Variants in RBBP6 observed in about 807,000 individuals in gnomAD.
RBBP6 encodes E3 ubiquitin-protein ligase RBBP6.
Under a neutral mutation model 167.7 loss-of-function variants are expected in RBBP6, and 25 were observed. That is an observed-to-expected ratio of 0.15 (90% CI 0.11 to 0.21). The LOEUF is 0.21. RBBP6 is among the 10% of genes least tolerant of loss of function. RBBP6 has a pLI of 1.00. For synonymous variants in RBBP6, 789 were observed against 735.8 expected (o/e 1.07, Z -1.17); for missense variants, 1,868 against 2,134.2 (o/e 0.88, Z 2.46).
At position 24,571,728 on chromosome 16, in the gene RBBP6, A is replaced by G; in HGVS notation, c.4662A>G (p.Pro1554=). 1.9e-6 allele frequency: 3 copies of G among 1,614,202 alleles called. No individual in the cohort carries two copies. Among genetic ancestry groups the G allele is most frequent in the Non-Finnish European group, 2.5e-6 (3 of 1,180,020 alleles). The part of the protein sequence containing the change: ...DHKATYDTKR[P]NEETKSVDKN... ...AAGCCACTTATGATACTAAACGGCC[A>G]AATGAAGAGACAAAATCTGTAGATA... The change falls in exon 18 of 18, where the codon CCA becomes CCG. Residue 1554 remains proline, a synonymous_variant. Coordinates refer to ENST00000319715, the MANE Select transcript of RBBP6 (RefSeq NM_006910.5).
intron 2 of RBBP6, 54 bp downstream of exon 2, chr16:24,546,316 AT>A (rs1898649559): frequency 2.1e-6 from 3 of 1,455,300 alleles, no homozygotes; most frequent in Non-Finnish European, 1.8e-6. Context: ...AGTTTTTTTA[AT>A]TTTGTGAGAA....
In RBBP6 at chr16:24,569,415, A is replaced by C; in HGVS notation, c.2725A>C (p.Asn909His). 6.2e-7 allele frequency: 1 copy of C among 1,614,170 alleles called. No homozygotes were observed. The highest frequency in any genetic ancestry group is 1.7e-5 in the Admixed American group (1 of 60,016). The change falls in exon 17 of 18, where the codon AAT (asparagine) becomes CAT (histidine). Residue 909 changes from asparagine (N) to histidine (H), a missense_variant. Physicochemically the swap from Asn to His is moderately conservative, Grantham distance 68 (BLOSUM62 1). Transcript: ENST00000319715. ...PEKLSARDGH[N>H]QKDNTKSKEK... The stretch of plus-strand genomic sequence containing the variant: ...AAAGCTTTCAGCAAGAGATGGTCAC[A>C]ATCAGAAGGATAATACAAAGTCAAA...
Position 24,569,772 on chromosome 16 carries a change from G to A in RBBP6, c.3082G>A (p.Val1028Met). 1.2e-6 allele frequency: 2 copies of A among 1,613,934 alleles called. No individual in the cohort carries two copies. Among genetic ancestry groups the A allele is most frequent in the Non-Finnish European group, 8.5e-7 (1 of 1,180,002 alleles). The change falls in exon 17 of 18, where the codon GTG becomes ATG. Residue 1028 changes from valine to methionine, a missense_variant. Physicochemically the swap from Val to Met is conservative, Grantham distance 21. Transcript: ENST00000319715. ...KTKRKNDGSA[V>M]SKKENIVKPA... ...CAAACGGAAGAATGATGGATCTGCT[G>A]TGTCCAAAAAAGAAAATATTGTAAA...
intron 1 of RBBP6, among the ~76,000 whole-genome samples, chr16:24,543,862 G>A (rs191063699): frequency 3.9e-5 from 6 of 152,098 alleles, no homozygotes; most frequent in Admixed American, 3.3e-4. Flanking sequence ...TCCATTTCTC[G>A]GATTCATTCT....
Position 24,571,684 on chromosome 16 carries a change from A to C in RBBP6, c.4618A>C (p.Arg1540=). 2 of 1,614,172 alleles carry C rather than the reference A, an allele frequency of 1.2e-6. No individual in the cohort carries two copies. The highest frequency in any genetic ancestry group is 1.7e-6 in the Non-Finnish European group (2 of 1,180,000). ...KKSNSSPSRD[R]KPHDHKATYD... ...AAGTAATTCTAGTCCCTCAAGAGAC[A>C]GAAAACCTCATGATCACAAAGCCAC... The change falls in exon 18 of 18, where the codon AGA becomes CGA. Residue 1540 remains arginine (R), a synonymous_variant. Transcript: ENST00000319715.
rs907961288 is a variant in RBBP6 at position 24,572,650 on chromosome 16, T to C, written c.*205T>C. 8 of 645,688 alleles carry C rather than the reference T, an allele frequency of 1.2e-5. No individual in the cohort carries two copies. In the African/African-American group the frequency reaches 1.5e-4, roughly 12 times the overall value. 40.0% of individuals were successfully genotyped at this position (645,688 alleles called of 1,614,324 possible). On this transcript the variant is annotated 3_prime_UTR_variant, in exon 18 of 18. Transcript: ENST00000319715. ...AATTGTGAGTTGTGACCATGTAACA[T>C]GAGAGGTTTTGCTAGGGCCTATTAT...
At position 24,567,724 on chromosome 16, in the gene RBBP6, T is replaced by C. The variant is rs538364251; in HGVS notation, c.1953-68T>C. The C allele has an allele frequency of 3.4e-4, 464 of 1,383,404 alleles. 3 individuals are homozygous for C. Among genetic ancestry groups the C allele is most frequent in the Non-Finnish European group, 3.0e-5 (30 of 992,478 alleles). 85.7% of individuals were successfully genotyped at this position (1,383,404 alleles called of 1,614,324 possible). A position where few individuals can be genotyped will look rare whatever the true frequency, so the allele number is the denominator to read the frequency against. On this transcript the variant is annotated intron_variant, in intron 15 of 17. Transcript: ENST00000319715. ...TCATTCATTTCATTCATGATCTAAT[T>C]ACATTTGTCTTGTTAGTTTTCTTAA...
In RBBP6 at chr16:24,569,128, G is replaced by A; in HGVS notation, c.2438G>A (p.Gly813Glu). 6.2e-7 allele frequency: 1 copy of A among 1,612,936 alleles called. No homozygotes were observed. Among genetic ancestry groups the A allele is most frequent in the East Asian group, 2.2e-5 (1 of 44,880 alleles). The change falls in exon 17 of 18, where the codon GGG becomes GAG. Residue 813 changes from glycine to glutamate, a missense_variant. Gly to Glu is a moderately conservative substitution (Grantham distance 98). Coordinates refer to ENST00000319715, the MANE Select transcript of RBBP6 (RefSeq NM_006910.5). ...CCATATGACATGAAAGCATATTATG[G>A]GAGAAGTGTTGACTTTAGAGACCCA... ...PPPYDMKAYY[G>E]RSVDFRDPFE... is the part of the protein sequence containing the mutation.
Position 24,567,864 on chromosome 16 carries a change from T to C in RBBP6, c.2025T>C (p.Ile675=). 1 of 1,613,646 alleles carries C rather than the reference T, an allele frequency of 6.2e-7. No individual in the cohort carries two copies. Among genetic ancestry groups the C allele is most frequent in the Non-Finnish European group, 8.5e-7 (1 of 1,179,672 alleles). ...FAKELMEYKK[I]QKERRRSFSR... ...AGGAATTGATGGAATACAAAAAGAT[T>C]CAAAAGGAGCGTAGGCGCTCATTTT... The change falls in exon 16 of 18, where the codon ATT becomes ATC. Residue 675 remains isoleucine, a synonymous_variant. Coordinates refer to ENST00000319715, the MANE Select transcript of RBBP6 (RefSeq NM_006910.5).
intron 10 of RBBP6, among the ~76,000 whole-genome samples, 170 bp from the exon 11 acceptor site, chr16:24,563,029 T>C (rs1286841779): frequency 7.2e-5 from 11 of 152,216 alleles, no homozygotes; most frequent in Non-Finnish European, 1.5e-4. Flanking sequence ...TTACTACATA[T>C]AGAGAACTCT....
chr16:24,564,898 T>C (rs1057225070), intron 14 of RBBP6, 33 bp downstream of exon 14: 2 of 1,585,576 alleles, frequency 1.3e-6, no homozygotes, highest in Admixed American at 1.8e-5. Flanking sequence ...AAAATAATCA[T>C]CTTATTTTTT....
intron 4 of RBBP6, 39 bp from the exon 5 acceptor site, chr16:24,555,576 G>C: frequency 6.7e-7 from 1 of 1,497,902 alleles, no homozygotes; most frequent in Non-Finnish European, 9.2e-7. Flanking sequence ...TCTTAAATGT[G>C]TTTCTAATGT....
chr16:24,563,995 T>C (rs1408740287), intron 13 of RBBP6, among the ~76,000 whole-genome samples: 2 of 152,142 alleles, frequency 1.3e-5, no homozygotes, highest in East Asian at 3.9e-4. Context: ...TTAAATATGG[T>C]GGCAGTTATT....
At chr16:24,565,425 C>T (rs930778327) in intron 14 of RBBP6, among the ~76,000 whole-genome samples, 7 of 152,204 alleles carry the variant, frequency 4.6e-5, no homozygotes, top group African/African-American at 1.7e-4. Flanking sequence ...GGGCCACAGA[C>T]CAGTATCCAT....
chr16:24,571,514 C>G lies in RBBP6; in HGVS notation c.4448C>G (p.Ser1483Ter). The G allele has an allele frequency of 6.2e-7, 1 of 1,613,410 alleles. No individual in the cohort carries two copies. Among genetic ancestry groups the G allele is most frequent in the Non-Finnish European group, 8.5e-7 (1 of 1,179,852 alleles). The change falls in exon 18 of 18, where the codon TCA becomes TGA. Residue 1483 changes from serine to a stop codon, truncating the protein, a stop_gained. Transcript: ENST00000319715. LOFTEE classifies it high-confidence loss of function. ...ACTGACTATGACACCAGAGAGTATT[C>G]AAGTTCCAAACGTAGAGATGAAAAG... is the stretch of plus-strand genomic sequence containing the variant. ...KKTDYDTREY[S>*]SSKRRDEKNE... is the part of the protein sequence containing the mutation.
chr16:24,554,039 T>C (rs1898860182), intron 4 of RBBP6: 1 of 152,948 alleles, frequency 6.5e-6, no homozygotes, highest in Non-Finnish European at 1.5e-5. Flanking sequence ...GTAGTCTGTC[T>C]GCATTAGGAA....
chr16:24,546,277 T>C lies in RBBP6; in HGVS notation c.266+15T>C, dbSNP rs762396535. On this transcript the variant is annotated intron_variant, in intron 2 of 17. Transcript: ENST00000319715. ...ACATATGTTATGTAAGTATCAAATC[T>C]CATGTATTTCTCAAAATAGACTTTT... 1.3e-6 allele frequency: 2 copies of C among 1,535,404 alleles called. No individual in the cohort carries two copies. The highest frequency in any genetic ancestry group is 4.7e-5 in the East Asian group (2 of 42,376).
intron 3 of RBBP6, 169 bp downstream of exon 3, chr16:24,549,150 A>G (rs546714672): frequency 2.1e-6 from 3 of 1,453,696 alleles, no homozygotes; most frequent in Non-Finnish European, 2.7e-6. Context: ...ATGTGGCATC[A>G]CTTGCACACT....
chr16:24,567,811 C>T lies in RBBP6; in HGVS notation c.1972C>T (p.Leu658=), dbSNP rs760466990. ...TACTAGGGAAAAGAAAAAGTCCAAG[C>T]TAGATGAGTTTACAAATGATTTTGC... is the stretch of plus-strand genomic sequence containing the variant. ...LKEEEKKKSK[L]DEFTNDFAKE... The change falls in exon 16 of 18, where the codon CTA becomes TTA. Residue 658 remains leucine (L), a synonymous_variant. Coordinates refer to ENST00000319715, the MANE Select transcript of RBBP6 (RefSeq NM_006910.5). The T allele has an allele frequency of 6.2e-7, 1 of 1,612,920 alleles. No individual in the cohort carries two copies.
Sources: gnomAD v4.1 joint callset for allele counts (sites outside exome capture counted in the v4.1 genomes callset) on GRCh38, gnomAD v4.1.1 for gene constraint, MANE v1.5 for transcripts, NCBI Gene and HGNC (gene_info 2026-07-23, HGNC 2026-07-21) for gene names.